NRXN1: variants seen among roughly 807,000 people sequenced by gnomAD.
NRXN1 encodes neurexin-1.
In NRXN1, 39 loss-of-function variants were observed where a neutral mutation model predicts 150.9. That is an observed-to-expected ratio of 0.26 (90% confidence interval 0.20 to 0.34). NRXN1 has a LOEUF of 0.34. Among genes scored for constraint, NRXN1 ranks in the 10% least tolerant of loss-of-function variants. NRXN1 has a pLI of 1.00. For synonymous variants in NRXN1, 924 were observed against 757.0 expected (o/e 1.22, Z -3.62); for missense variants, 1,815 against 1,949.9 (o/e 0.93, Z 1.30).
chr2:50,799,047 T>G (rs1707231865), intron 5 of NRXN1, among the ~76,000 whole-genome samples: 1 of 152,228 alleles, frequency 6.6e-6, no homozygotes. Flanking sequence ...TGCACCAGCC[T>G]AATAATTTGG....
chr2:50,610,197 C>G (rs1378736979), intron 8 of NRXN1, among the ~76,000 whole-genome samples: 1 of 152,012 alleles, frequency 6.6e-6, no homozygotes, highest in East Asian at 1.9e-4. Flanking sequence ...TTTGGATGAA[C>G]TTCAGATTTT....
chr2:50,949,731 C>G (rs1206074702), intron 2 of NRXN1, among the ~76,000 whole-genome samples: 1 of 151,986 alleles, frequency 6.6e-6, no homozygotes, highest in African/African-American at 2.4e-5. Context: ...ACTAGGAGGT[C>G]AAAATAAAAA....
In NRXN1 at chr2:50,383,959, C is replaced by T. The variant is rs548132578; in HGVS notation, c.3364+81483G>A. Among the ~76,000 whole-genome samples, 6 of 152,276 alleles carry T rather than the reference C, an allele frequency of 3.9e-5. No homozygotes were observed. The East Asian group carries it at 1.2e-3, about 29-fold the overall frequency. On this transcript the variant is annotated intron_variant, in intron 17 of 22. Transcript: ENST00000401669. ...GCCAGTTCAACTTACCCCGTTTATA[C>T]ATGTTGAACTTGCCTAGATGCCTGA...
chr2:50,856,454 T>C (rs1675285544), intron 5 of NRXN1, among the ~76,000 whole-genome samples: 2 of 151,998 alleles, frequency 1.3e-5, no homozygotes, highest in African/African-American at 4.8e-5. Context: ...AACTTACTTG[T>C]TTTTTTCATT....
At chr2:50,620,261 GT>G (rs1018306460) in intron 7 of NRXN1, 78 bp from the exon 8 acceptor site, 18 of 1,441,424 alleles carry the variant, frequency 1.2e-5, no homozygotes, top group Admixed American at 2.4e-5. Context: ...CCTGTTTTGT[GT>G]TTTGCTTTTG....
chr2:50,023,914 C>T (rs1008515397), intron 21 of NRXN1: 1 of 152,190 alleles, frequency 6.6e-6, no homozygotes, highest in African/African-American at 2.4e-5. Context: ...TTAACATTAT[C>T]TGCCATCTGT....
intron 8 of NRXN1, among the ~76,000 whole-genome samples, chr2:50,618,156 A>G (rs1573812131): frequency 6.6e-6 from 1 of 152,142 alleles, no homozygotes; most frequent in East Asian, 1.9e-4. Context: ...CACAGTGAAA[A>G]TGAGGAAGTT....
At chr2:50,476,378 C>T (rs1204243311) in intron 15 of NRXN1, among the ~76,000 whole-genome samples, 1 of 152,102 alleles carries the variant, frequency 6.6e-6, no homozygotes, top group Non-Finnish European at 1.5e-5. Flanking sequence ...CTGGCTCTGC[C>T]ACCTACTGGC....
At chr2:50,487,908 T>C (rs2090993102) in intron 15 of NRXN1, among the ~76,000 whole-genome samples, 1 of 152,194 alleles carries the variant, frequency 6.6e-6, no homozygotes, top group African/African-American at 2.4e-5. Context: ...TTCCTGTGAA[T>C]TCCTGGGAAC....
chr2:50,157,788 C>T (rs2059116242), intron 18 of NRXN1, among the ~76,000 whole-genome samples: 1 of 151,902 alleles, frequency 6.6e-6, no homozygotes, highest in Admixed American at 6.6e-5. Flanking sequence ...TTTAAAGTGG[C>T]ACTCTGGATT....
chr2:50,427,693 G>C (rs11125305), intron 17 of NRXN1, among the ~76,000 whole-genome samples: 30,849 of 152,108 alleles, frequency 0.2, 4,289 homozygotes, highest in East Asian at 0.53. Flanking sequence ...AAATCAATTT[G>C]GCAAAGTTGA....
intron 17 of NRXN1, among the ~76,000 whole-genome samples, chr2:50,250,618 T>C (rs982630612): frequency 6.6e-6 from 1 of 152,130 alleles, no homozygotes; most frequent in African/African-American, 2.4e-5. Context: ...TTAAAAATTC[T>C]ATGAAATGCA....
At chr2:51,009,353 T>A (rs538088713) in intron 2 of NRXN1, 3 of 152,116 alleles carry the variant, frequency 2.0e-5, no homozygotes, top group African/African-American at 7.2e-5. Context: ...AATGCATATT[T>A]GGAAACTGCA....
intron 18 of NRXN1, among the ~76,000 whole-genome samples, chr2:50,182,111 C>CTTTTTT (rs10653885): frequency 4.0e-4 from 56 of 138,744 alleles, no homozygotes; most frequent in African/African-American, 1.4e-3. Context: ...ATTCATTATC[C>CTTTTTT]TTTTTTTTTT....
chr2:50,794,759 C>T (rs944671717), intron 5 of NRXN1, among the ~76,000 whole-genome samples: 10 of 152,088 alleles, frequency 6.6e-5, no homozygotes, highest in Non-Finnish European at 1.0e-4. Context: ...TATATTATCT[C>T]TATATAATTC....
At chr2:50,865,663 T>TTTTTTG (rs1559368588) in intron 5 of NRXN1, among the ~76,000 whole-genome samples, 13 of 126,896 alleles carry the variant, frequency 1.0e-4, no homozygotes, top group African/African-American at 3.4e-4. Flanking sequence ...TGAAAGTTTT[T>TTTTTTG]TTTTTTTTTT....
chr2:50,858,776 C>A (rs1452380379), intron 5 of NRXN1, among the ~76,000 whole-genome samples: 2 of 151,968 alleles, frequency 1.3e-5, no homozygotes, highest in African/African-American at 4.8e-5. Context: ...GTAATATTTG[C>A]ATTTACATAT....
At chr2:50,988,387 T>C (rs530601634) in intron 2 of NRXN1, among the ~76,000 whole-genome samples, 2 of 152,104 alleles carry the variant, frequency 1.3e-5, no homozygotes, top group South Asian at 2.1e-4. Context: ...GTGAACAGTA[T>C]GGCTTCATGG....
In NRXN1 at chr2:50,278,241, A is replaced by AAT. The variant is rs539556643; in HGVS notation, c.3365-41273_3365-41272dup. On this transcript the variant is annotated intron_variant, in intron 17 of 22. Coordinates refer to ENST00000401669, the MANE Select transcript of NRXN1 (RefSeq NM_001330078.2). ...CCACACCTGGCTTTTATATATATAT[A>AAT]ATATATATATATATTATATATATTA... Among the ~76,000 whole-genome samples the AAT allele has an allele frequency of 2.8e-3, 340 of 122,612 alleles. 2 individuals are homozygous for AAT. Among genetic ancestry groups the AAT allele is most frequent in the African/African-American group, 9.1e-3 (287 of 31,472 alleles). 80.4% of individuals were successfully genotyped at this position (122,612 alleles called of 152,430 possible).
Sources: gnomAD v4.1 joint callset for allele counts (sites outside exome capture counted in the v4.1 genomes callset) on GRCh38, gnomAD v4.1.1 for gene constraint, MANE v1.5 for transcripts, NCBI Gene and HGNC (gene_info 2026-07-23, HGNC 2026-07-21) for gene names.